The following LOXL2 variants were observed in gnomAD, a reference collection of about 807,000 sequenced individuals.
LOXL2 encodes the protein lysyl oxidase homolog 2.
LOXL2 carries 70 observed loss-of-function variants against 93.0 expected under a neutral mutation model. The ratio of observed to expected loss-of-function variants is 0.75; its 90% confidence interval spans 0.62 to 0.92. The LOEUF (loss-of-function observed/expected upper bound fraction) is 0.92. Among genes scored for constraint, LOXL2 ranks in the 40% least tolerant of loss-of-function variants. The pLI, the probability that LOXL2 is intolerant of heterozygous loss-of-function variation, is 0.00. For missense variants in LOXL2, 973 were observed against 1,054.9 expected (o/e 0.92, Z 1.08); for synonymous variants, 438 against 413.2 (o/e 1.06, Z -0.73).
chr8:23,369,091 G>A (rs537217299), intron 1 of LOXL2, among the ~76,000 whole-genome samples: 18 of 152,270 alleles, frequency 1.2e-4, no homozygotes, highest in African/African-American at 3.6e-4. Context: ...GAGAAGGAGC[G>A]GGTCTGAAGG....
chr8:23,311,737 G>A (rs1054560929), intron 9 of LOXL2, among the ~76,000 whole-genome samples: 3 of 152,218 alleles, frequency 2.0e-5, no homozygotes, highest in Non-Finnish European at 2.9e-5. Flanking sequence ...TCTGGACAGA[G>A]CTGAGCAAGG....
In LOXL2 at chr8:23,367,947, C is replaced by G. The variant is rs769750747; in HGVS notation, c.355+50G>C. On this transcript the variant is annotated intron_variant, in intron 2 of 13. Coordinates refer to ENST00000389131, the MANE Select transcript of LOXL2 (RefSeq NM_002318.3). ...CAGGCTGACCTCAGGGAAGGCCACT[C>G]CGGGCCTTGCCAGGTGACAGCACTC... The G allele has an allele frequency of 2.5e-5, 38 of 1,504,662 alleles. No homozygotes were observed. The African/African-American group carries it at 4.9e-4, about 19-fold the overall frequency. The allele number at this position is 1,504,662 out of a possible 1,614,324, so 93.2% of individuals were successfully genotyped here. A position where few individuals can be genotyped will look rare whatever the true frequency, so the allele number is the denominator to read the frequency against.
In LOXL2 at chr8:23,332,719, TACAC is replaced by T. The variant is rs371399053; in HGVS notation, c.966+678_966+681del. 1.6e-3 allele frequency among the ~76,000 whole-genome samples: 96 copies of T among 59,344 alleles called. 1 individual carries two copies. The East Asian group carries it at 0.047, about 29-fold the overall frequency. The allele number at this position is 59,344 out of a possible 152,430, so 38.9% of individuals were successfully genotyped here. A position where few individuals can be genotyped will look rare whatever the true frequency, so the allele number is the denominator to read the frequency against. On this transcript the variant is annotated intron_variant, in intron 5 of 13. Transcript: ENST00000389131. ...CCACACACTCATACACATGCACTCA[TACAC>T]ACACACTCATACACCCCCATAAACT...
At chr8:23,385,213 C>T (rs987993663) in intron 1 of LOXL2, among the ~76,000 whole-genome samples, 25 of 150,852 alleles carry the variant, frequency 1.7e-4, no homozygotes, top group African/African-American at 6.1e-4. Context: ...TGAAGGTGGG[C>T]TTCTGTGGAA....
At chr8:23,388,827 G>A (rs1804803442) in intron 1 of LOXL2, among the ~76,000 whole-genome samples, 1 of 152,110 alleles carries the variant, frequency 6.6e-6, no homozygotes, top group African/African-American at 2.4e-5. Flanking sequence ...GGGAAAAAAA[G>A]ACTTTTAAGC....
At chr8:23,358,917 G>A (rs1242206860) in intron 3 of LOXL2, among the ~76,000 whole-genome samples, 2 of 149,502 alleles carry the variant, frequency 1.3e-5, no homozygotes, top group Non-Finnish European at 1.5e-5. Context: ...TCTCAGCTCA[G>A]TGCAAGCTCC....
At chr8:23,371,480 C>T (rs1024281861) in intron 1 of LOXL2, among the ~76,000 whole-genome samples, 5 of 152,018 alleles carry the variant, frequency 3.3e-5, no homozygotes, top group Non-Finnish European at 7.4e-5. Flanking sequence ...TGGCTGGGTG[C>T]AGTGGCTCAC....
intron 10 of LOXL2, among the ~76,000 whole-genome samples, chr8:23,308,170 G>A (rs911885022): frequency 6.6e-6 from 1 of 152,170 alleles, no homozygotes; most frequent in African/African-American, 2.4e-5. Flanking sequence ...AAGGGGCCAG[G>A]ACATGTTAGT....
At position 23,333,305 on chromosome 8, in the gene LOXL2, C is replaced by T. The variant is rs78989875; in HGVS notation, c.966+96G>A. The T allele has an allele frequency of 3.2e-4, 374 of 1,181,728 alleles. 1 individual carries two copies. Among genetic ancestry groups the T allele is most frequent in the Admixed American group, 8.1e-4 (46 of 56,594 alleles). 73.2% of individuals were successfully genotyped at this position (1,181,728 alleles called of 1,614,324 possible). ...ACAATGGTGATCTCCGCTGAGGCCA[C>T]CCTTCCTCACTCTCCTGGGGGATCC... On this transcript the variant is annotated intron_variant, in intron 5 of 13. Transcript: ENST00000389131.
chr8:23,374,455 G>A (rs559003168), intron 1 of LOXL2, among the ~76,000 whole-genome samples: 2 of 152,214 alleles, frequency 1.3e-5, no homozygotes, highest in South Asian at 4.2e-4. Flanking sequence ...AATCCTTTGG[G>A]TATATACCCA....
At position 23,332,365 on chromosome 8, in the gene LOXL2, A is replaced by C. The variant is rs540731858; in HGVS notation, c.966+1036T>G. On this transcript the variant is annotated intron_variant, in intron 5 of 13. Coordinates refer to ENST00000389131, the MANE Select transcript of LOXL2 (RefSeq NM_002318.3). The stretch of plus-strand genomic sequence containing the variant: ...TACACCCCCACACTCATACACACCC[A>C]CACACACCCCACATACACACTCATA... Among the ~76,000 whole-genome samples the C allele has an allele frequency of 4.8e-5, 5 of 104,668 alleles. No individual in the cohort carries two copies. In the South Asian group the frequency reaches 1.4e-3, roughly 29 times the overall value. 68.7% of individuals were successfully genotyped at this position (104,668 alleles called of 152,430 possible).
intron 2 of LOXL2, among the ~76,000 whole-genome samples, chr8:23,360,878 G>C (rs1054098557): frequency 6.6e-6 from 1 of 152,022 alleles, no homozygotes; most frequent in African/African-American, 2.4e-5. Flanking sequence ...GCCACTGAAG[G>C]TTTGAGGTTT....
chr8:23,304,525 G>C (rs1803196720), intron 10 of LOXL2, among the ~76,000 whole-genome samples: 2 of 152,304 alleles, frequency 1.3e-5, no homozygotes, highest in South Asian at 4.1e-4. Flanking sequence ...TGAGGAACAA[G>C]GTGCCAAGTC....
chr8:23,319,664 G>A (rs752963640), intron 8 of LOXL2, among the ~76,000 whole-genome samples: 7 of 152,146 alleles, frequency 4.6e-5, no homozygotes, highest in African/African-American at 9.7e-5. Flanking sequence ...TTCTGCAGCC[G>A]AGAAATAGAG....
chr8:23,333,334 C>G, intron 5 of LOXL2, 67 bp downstream of exon 5: 2 of 1,427,352 alleles, frequency 1.4e-6, no homozygotes, highest in Non-Finnish European at 2.0e-6. Context: ...GGGATCCTGC[C>G]TACTCCCTCA....
chr8:23,346,157 A>AAAAAAATAAAAT (rs1803977619), intron 3 of LOXL2, among the ~76,000 whole-genome samples: 5 of 91,198 alleles, frequency 5.5e-5, no homozygotes, highest in Admixed American at 1.0e-4. Context: ...AAAATAAAAT[A>AAAAAAATAAAAT]AAAAATAAAA....
intron 7 of LOXL2, among the ~76,000 whole-genome samples, chr8:23,321,318 AGAAG>A (rs1354914684): frequency 1.3e-5 from 1 of 75,118 alleles, no homozygotes; most frequent in African/African-American, 4.1e-5. Context: ...TAGGACAGAG[AGAAG>A]GGTTTGACTG....
At chr8:23,336,613 C>T (rs1331206668) in intron 4 of LOXL2, 1 of 152,274 alleles carries the variant, frequency 6.6e-6, no homozygotes, top group Admixed American at 6.5e-5. Context: ...ACCGGTGCTC[C>T]CCTTGCCAAG....
Position 23,297,762 on chromosome 8 carries a change from C to T in LOXL2, c.*281G>A. ...CTGATGACAACCTGTCTGTGGGCCT[C>T]ATCCCGGTCAAGACTGGCTCTTGGT... On this transcript the variant is annotated 3_prime_UTR_variant, in exon 14 of 14. Transcript: ENST00000389131. 2.7e-6 allele frequency: 1 copy of T among 369,556 alleles called. No individual in the cohort carries two copies. Among genetic ancestry groups the T allele is most frequent in the Non-Finnish European group, 5.0e-6 (1 of 201,330 alleles). 22.9% of individuals were successfully genotyped at this position (369,556 alleles called of 1,614,324 possible). A position where few individuals can be genotyped will look rare whatever the true frequency, so the allele number is the denominator to read the frequency against.
Sources: gnomAD v4.1 joint callset for allele counts (sites outside exome capture counted in the v4.1 genomes callset) on GRCh38, gnomAD v4.1.1 for gene constraint, MANE v1.5 for transcripts, NCBI Gene and HGNC (gene_info 2026-07-23, HGNC 2026-07-21) for gene names.